RHOU: variants seen among roughly 807,000 people sequenced by gnomAD.
RHOU encodes the protein ras homolog family member U.
A neutral mutation model predicts 12.6 loss-of-function variants in RHOU; 8 were observed. That is an observed-to-expected ratio of 0.64 (90% CI 0.37 to 1.15). The LOEUF (loss-of-function observed/expected upper bound fraction) is 1.15. Ranked by LOEUF, RHOU falls within the 50% of genes most tolerant of loss-of-function variation. RHOU has a pLI of 0.01. For synonymous variants in RHOU, 161 were observed against 147.4 expected, an observed-to-expected ratio of 1.09 and a Z score of -0.67; for missense variants, 258 against 347.0, an observed-to-expected ratio of 0.74 and a Z score of 2.04.
chr1:228,650,793 C>T, the RHOU span: 1 of 427,436 alleles, frequency 2.3e-6, no homozygotes, highest in Non-Finnish European at 4.6e-6. Context: ...CTTGGAGGTG[C>T]CTACCATGCA....
At chr1:228,714,974 C>A in the RHOU span, among the ~76,000 whole-genome samples, 1 of 151,972 alleles carries the variant, frequency 6.6e-6, no homozygotes, top group Non-Finnish European at 1.5e-5. Flanking sequence ...AAACTCCTGA[C>A]TTCGTGATCT....
the RHOU span, among the ~76,000 whole-genome samples, chr1:228,684,217 A>T: frequency 2.4e-4 from 36 of 151,830 alleles, no homozygotes; most frequent in East Asian, 5.3e-3. Context: ...TTGTATTTTT[A>T]GTAGCGATAG....
chr1:228,711,654 T>C, the RHOU span, among the ~76,000 whole-genome samples: 1 of 152,192 alleles, frequency 6.6e-6, no homozygotes, highest in Non-Finnish European at 1.5e-5. Flanking sequence ...ATACAAAAAT[T>C]AATTCAAGAT....
the RHOU span, among the ~76,000 whole-genome samples, chr1:228,725,080 A>G: frequency 6.6e-6 from 1 of 152,184 alleles, no homozygotes; most frequent in Non-Finnish European, 1.5e-5. Flanking sequence ...AACAAAAGGA[A>G]AAGAAAATTG....
chr1:228,647,161 C>A, the RHOU span, among the ~76,000 whole-genome samples: 1 of 152,174 alleles, frequency 6.6e-6, no homozygotes, highest in Non-Finnish European at 1.5e-5. Flanking sequence ...CTGAGCAGGG[C>A]GGCCAGGCGG....
chr1:228,730,351 C>T, the RHOU span, among the ~76,000 whole-genome samples: 1 of 152,120 alleles, frequency 6.6e-6, no homozygotes, highest in Non-Finnish European at 1.5e-5. Context: ...GGTGTAGGGA[C>T]TGCAGCCTCT....
upstream of RHOU, among the ~76,000 whole-genome samples, chr1:228,733,964 C>T (rs1432030902): frequency 6.6e-6 from 1 of 152,150 alleles, no homozygotes; most frequent in Non-Finnish European, 1.5e-5. Context: ...TTGATATTGC[C>T]TCTGAATGCT....
chr1:228,689,241 C>T, the RHOU span, among the ~76,000 whole-genome samples: 68 of 151,638 alleles, frequency 4.5e-4, no homozygotes, highest in African/African-American at 1.5e-3. Context: ...TCGAAGAAGC[C>T]GAAGAGTCAA....
At chr1:228,665,970 T>TC in the RHOU span, among the ~76,000 whole-genome samples, 1 of 64,540 alleles carries the variant, frequency 1.5e-5, no homozygotes, top group African/African-American at 7.8e-5. Flanking sequence ...AGAAGTGTTC[T>TC]TTTTTTTTTG....
chr1:228,686,536 A>G, the RHOU span, among the ~76,000 whole-genome samples: 26 of 152,228 alleles, frequency 1.7e-4, no homozygotes, highest in South Asian at 5.4e-3. Context: ...CTAGAGGAAT[A>G]CTCTCCTACA....
chr1:228,715,893 T>G, the RHOU span, among the ~76,000 whole-genome samples: 1 of 151,830 alleles, frequency 6.6e-6, no homozygotes, highest in South Asian at 2.1e-4. Context: ...GATTTGTGAC[T>G]TTTAGTTTTA....
At chr1:228,706,828 GAGTT>G in the RHOU span, among the ~76,000 whole-genome samples, 1 of 151,726 alleles carries the variant, frequency 6.6e-6, no homozygotes, top group Non-Finnish European at 1.5e-5. Context: ...TTTATTGTTT[GAGTT>G]AGTTATATCA....
intron 2 of RHOU, among the ~76,000 whole-genome samples, chr1:228,739,209 G>C (rs1015068005): frequency 6.6e-6 from 1 of 152,302 alleles, no homozygotes; most frequent in South Asian, 2.1e-4. Context: ...TATAATTCAA[G>C]CTTCATTTCC....
At chr1:228,734,008 C>T (rs1187692138), upstream of RHOU, among the ~76,000 whole-genome samples, 1 of 152,006 alleles carries the variant, frequency 6.6e-6, no homozygotes, top group African/African-American at 2.4e-5. Flanking sequence ...CTTGACATCC[C>T]CCTTATCTCA....
At chr1:228,648,428 G>A in the RHOU span, among the ~76,000 whole-genome samples, 1 of 152,186 alleles carries the variant, frequency 6.6e-6, no homozygotes, top group African/African-American at 2.4e-5. Context: ...TCCGGACTTG[G>A]TGTGCTCTGA....
the RHOU span, among the ~76,000 whole-genome samples, chr1:228,669,047 G>A: frequency 2.7e-4 from 41 of 152,198 alleles, no homozygotes; most frequent in Admixed American, 2.0e-4. Context: ...GTCCCTGGAG[G>A]GCACTAAGCA....
In RHOU at chr1:228,737,877, G is replaced by C. The variant is rs1662643758; in HGVS notation, c.321+146G>C. ...CCCCTGCTGTTGGCCCTTCTCTGAGGGTGGGCAGGGGCCAGGTTATTGGCC... is the reference window on the plus strand; with the variant it reads ...CCCCTGCTGTTGGCCCTTCTCTGAGCGTGGGCAGGGGCCAGGTTATTGGCC... On this transcript the variant is annotated intron_variant, in intron 2 of 2. Transcript: ENST00000366691. This position sits in a 1 kb window ranked among gnomAD's most constrained non-coding sequence, Gnocchi z 4.1. 1.3e-6 allele frequency: 1 copy of C among 785,354 alleles called. No homozygotes were observed. The highest frequency in any genetic ancestry group is 1.6e-5 in the South Asian group (1 of 63,348). The allele number at this position is 785,354 out of a possible 1,614,324, so 48.6% of individuals were successfully genotyped here. A position where few individuals can be genotyped will look rare whatever the true frequency, so the allele number is the denominator to read the frequency against.
chr1:228,672,386 C>G, the RHOU span, among the ~76,000 whole-genome samples: 2 of 152,172 alleles, frequency 1.3e-5, no homozygotes, highest in Admixed American at 6.5e-5. Context: ...TGGTCTCGAA[C>G]TTCTGACCTC....
At chr1:228,646,490 C>T in the RHOU span, among the ~76,000 whole-genome samples, 1 of 85,818 alleles carries the variant, frequency 1.2e-5, no homozygotes, top group Non-Finnish European at 2.3e-5. Flanking sequence ...CCAGAGCCGT[C>T]AGGGCTGGCC....
Sources: allele counts gnomAD v4.1 joint callset (sites outside exome capture counted in the v4.1 genomes callset), GRCh38; gene constraint gnomAD v4.1.1; non-coding constraint Gnocchi (gnomAD v3.1); transcripts MANE v1.5; gene names NCBI Gene and HGNC (gene_info 2026-07-23, HGNC 2026-07-21).